Variants in UCK2 observed in about 807,000 individuals in gnomAD.
UCK2 encodes uridine-cytidine kinase 2, also known as cytidine monophosphokinase 2.
A neutral mutation model predicts 30.8 loss-of-function variants in UCK2; 6 were observed. The observed-to-expected ratio is 0.19, with a 90% confidence interval of 0.11 to 0.38. The LOEUF is 0.38. Ranked by LOEUF, UCK2 falls within the 10% of genes least tolerant of loss-of-function variation. UCK2 has a pLI of 1.00. For missense variants in UCK2, 210 were observed against 339.8 expected (o/e 0.62, Z 3.00); for synonymous variants, 125 against 133.6 (o/e 0.94, Z 0.45).
rs1439943166 is a variant in UCK2 at position 165,905,912 on chromosome 1, T to C, written c.598-9T>C. Reference sequence around the variant, plus strand: ...TGTATTAATGCATATTAACTGTCTTTCTCCACAGACAAAGAAGTATGCTGA... The same window carrying C: ...TGTATTAATGCATATTAACTGTCTTCCTCCACAGACAAAGAAGTATGCTGA... On this transcript the variant is annotated splice_polypyrimidine_tract_variant and intron_variant, in intron 5 of 6. Coordinates refer to ENST00000367879, the MANE Select transcript of UCK2 (RefSeq NM_012474.5). 6.2e-6 allele frequency: 10 copies of C among 1,613,692 alleles called. No homozygotes were observed. Among genetic ancestry groups the C allele is most frequent in the Non-Finnish European group, 8.5e-6 (10 of 1,179,748 alleles).
intron 2 of UCK2, 84 bp from the exon 3 acceptor site, chr1:165,891,142 A>G: frequency 8.1e-7 from 1 of 1,228,286 alleles, no homozygotes; most frequent in Non-Finnish European, 1.2e-6. Flanking sequence ...GCCCATATAC[A>G]TGTTTATGAG....
At chr1:165,828,445 C>G (rs1653953388) in intron 1 of UCK2, among the ~76,000 whole-genome samples, 1 of 152,154 alleles carries the variant, frequency 6.6e-6, no homozygotes, top group African/African-American at 2.4e-5. Flanking sequence ...GGCGGCATCC[C>G]GGGGAAGGGG....
intron 1 of UCK2, among the ~76,000 whole-genome samples, chr1:165,828,466 G>C (rs1264818334): frequency 6.6e-6 from 1 of 152,238 alleles, no homozygotes; most frequent in African/African-American, 2.4e-5. Flanking sequence ...AGCCCAGTGT[G>C]GGGCTGCACG....
At chr1:165,895,599 A>G in intron 3 of UCK2, 1 of 985,670 alleles carries the variant, frequency 1.0e-6, no homozygotes, top group Non-Finnish European at 1.2e-6. Context: ...GAGCCAGACC[A>G]GACAGACGTC....
At chr1:165,828,777 G>GT (rs1033822348) in intron 1 of UCK2, among the ~76,000 whole-genome samples, 1 of 152,246 alleles carries the variant, frequency 6.6e-6, no homozygotes, top group African/African-American at 2.4e-5. Context: ...TTTACCCGGG[G>GT]TTTTTTCTGC....
intron 3 of UCK2, 141 bp from the exon 4 acceptor site, chr1:165,896,049 T>G: frequency 9.2e-7 from 1 of 1,082,280 alleles, no homozygotes; most frequent in Non-Finnish European, 1.3e-6. Flanking sequence ...AAGACCATAT[T>G]AGCCAAGTCT....
At chr1:165,844,832 C>G (rs1490967451) in intron 1 of UCK2, among the ~76,000 whole-genome samples, 1 of 152,198 alleles carries the variant, frequency 6.6e-6, no homozygotes, top group East Asian at 1.9e-4. Context: ...TGGAGGGTGA[C>G]TGCCTCGAGA....
chr1:165,851,230 G>C (rs1001548507), intron 1 of UCK2, among the ~76,000 whole-genome samples: 2 of 152,200 alleles, frequency 1.3e-5, no homozygotes, highest in Non-Finnish European at 2.9e-5. Flanking sequence ...TGAGAAAGAC[G>C]GTTGTGAAAG....
At chr1:165,899,098 T>A (rs577765730) in intron 4 of UCK2, among the ~76,000 whole-genome samples, 46 of 152,212 alleles carry the variant, frequency 3.0e-4, no homozygotes, top group South Asian at 1.2e-3. Flanking sequence ...GAGACTTGAG[T>A]TAGCTCCATG....
intron 1 of UCK2, among the ~76,000 whole-genome samples, chr1:165,877,694 G>T (rs1306172554): frequency 1.3e-5 from 2 of 152,098 alleles, no homozygotes; most frequent in Non-Finnish European, 2.9e-5. Flanking sequence ...CTAATTTTTG[G>T]CTCTAACAAA....
At chr1:165,863,025 G>T (rs1173936694) in intron 1 of UCK2, among the ~76,000 whole-genome samples, 2 of 152,188 alleles carry the variant, frequency 1.3e-5, no homozygotes, top group Non-Finnish European at 2.9e-5. Context: ...AGCCAGATGG[G>T]GAACATAGGA....
intron 5 of UCK2, among the ~76,000 whole-genome samples, chr1:165,905,036 C>T (rs979151714): frequency 1.3e-5 from 2 of 152,154 alleles, no homozygotes; most frequent in African/African-American, 4.8e-5. Flanking sequence ...ATGTTTCAGA[C>T]TATGTGTAAA....
intron 3 of UCK2, among the ~76,000 whole-genome samples, chr1:165,891,965 G>A (rs889377846): frequency 1.2e-4 from 18 of 151,812 alleles, no homozygotes; most frequent in South Asian, 4.2e-4. Flanking sequence ...CCTTCAGAGC[G>A]TCTCAGACCT....
At chr1:165,896,537 A>T (rs1213841715) in intron 4 of UCK2, among the ~76,000 whole-genome samples, 1 of 152,220 alleles carries the variant, frequency 6.6e-6, no homozygotes, top group African/African-American at 2.4e-5. Context: ...TTGAGAAGGG[A>T]TTAGTCACTT....
At chr1:165,883,252 A>C (rs1409902072) in intron 1 of UCK2, among the ~76,000 whole-genome samples, 4 of 152,216 alleles carry the variant, frequency 2.6e-5, no homozygotes, top group African/African-American at 9.6e-5. Context: ...TTGAGTCAAC[A>C]GGAAGGAATG....
intron 1 of UCK2, among the ~76,000 whole-genome samples, chr1:165,864,283 A>T (rs977299315): frequency 3.3e-5 from 5 of 151,930 alleles, no homozygotes; most frequent in African/African-American, 7.3e-5. Flanking sequence ...CAGGTACATG[A>T]CTCCACCAGG....
At position 165,827,784 on chromosome 1, in the gene UCK2, G is replaced by C. The variant is rs1571258250; in HGVS notation, c.-50G>C. ...GGGAGTCCGACGCGGGCGCGGGCGG[G>C]GAGCGTGCGTCCGTTCGCACAGGCA... On this transcript the variant is annotated 5_prime_UTR_variant, in exon 1 of 7. Transcript: ENST00000367879. 3 of 1,322,944 alleles carry C rather than the reference G, an allele frequency of 2.3e-6. No individual in the cohort carries two copies. The highest frequency in any genetic ancestry group is 3.4e-5 in the Admixed American group (1 of 29,826). The allele number at this position is 1,322,944 out of a possible 1,614,324, so 82.0% of individuals were successfully genotyped here.
At chr1:165,895,708 T>A in intron 3 of UCK2, 11 of 948,348 alleles carry the variant, frequency 1.2e-5, no homozygotes, top group Non-Finnish European at 1.4e-5. Context: ...TGTCCTTTCC[T>A]CCCTCCTTTC....
intron 1 of UCK2, among the ~76,000 whole-genome samples, chr1:165,883,932 C>A (rs1655558406): frequency 6.6e-6 from 1 of 152,160 alleles, no homozygotes; most frequent in Non-Finnish European, 1.5e-5. Flanking sequence ...TAGTTTTAAA[C>A]CAGGGCAAAT....
Sources: gnomAD v4.1 joint callset for allele counts (sites outside exome capture counted in the v4.1 genomes callset) on GRCh38, gnomAD v4.1.1 for gene constraint, MANE v1.5 for transcripts, NCBI Gene and HGNC (gene_info 2026-07-23, HGNC 2026-07-21) for gene names.